Variants in SSUH2 observed in about 807,000 individuals in gnomAD.
SSUH2 encodes protein SSUH2 homolog.
Under a neutral mutation model 55.3 loss-of-function variants are expected in SSUH2, and 47 were observed. The observed-to-expected ratio is 0.85, with a 90% confidence interval of 0.67 to 1.08. The LOEUF is 1.08. Ranked by LOEUF, SSUH2 falls within the 50% of genes least tolerant of loss-of-function variation. The pLI is 0.00. For synonymous variants in SSUH2, 212 were observed against 191.5 expected (o/e 1.11, Z -0.89); for missense variants, 535 against 490.7 (o/e 1.09, Z -0.85).
rs1559563403 is a variant in SSUH2, at chr3:8,678,493, GT to G, written c.-900-1141del. Among the ~76,000 whole-genome samples the G allele has an allele frequency of 7.3e-5, 10 of 137,458 alleles. 1 individual carries two copies. The highest frequency in any genetic ancestry group is 1.6e-4 in the Non-Finnish European group (10 of 61,340). The allele number at this position is 137,458 out of a possible 152,430, so 90.2% of individuals were successfully genotyped here. ...CTCTTAGGACCCCCATTGCAAGGGG[GT>G]GAGGCACCCCCCGCGAGGCGGGGAC... On this transcript the variant is annotated intron_variant, in intron 2 of 18. Coordinates refer to the SSUH2 transcript ENST00000317371.
chr3:8,629,961 C>T (rs940119048), intron 6 of SSUH2, among the ~76,000 whole-genome samples: 7 of 152,124 alleles, frequency 4.6e-5, no homozygotes, highest in African/African-American at 7.2e-5. Flanking sequence ...CAAGGGGAGA[C>T]GTGTTCTGGG....
intron 5 of SSUH2, among the ~76,000 whole-genome samples, chr3:8,669,424 C>T (rs1191142589): frequency 6.6e-6 from 1 of 152,252 alleles, no homozygotes; most frequent in African/African-American, 2.4e-5. Context: ...AGTAGACAAA[C>T]TTTATCAGAG....
chr3:8,627,430 C>T (rs1242088186), intron 8 of SSUH2: 3 of 359,950 alleles, frequency 8.3e-6, no homozygotes, highest in Non-Finnish European at 1.5e-5. Context: ...CTGGTAACCC[C>T]GTCCCTGTGT....
intron 7 of SSUH2, among the ~76,000 whole-genome samples, chr3:8,658,694 A>G (rs1703186488): frequency 6.6e-6 from 1 of 152,198 alleles, no homozygotes; most frequent in African/African-American, 2.4e-5. Flanking sequence ...TCCAGATAGC[A>G]GTATTAATAT....
At chr3:8,649,987 C>A (rs1413059656) in intron 7 of SSUH2, among the ~76,000 whole-genome samples, 2 of 152,180 alleles carry the variant, frequency 1.3e-5, no homozygotes, top group Non-Finnish European at 2.9e-5. Flanking sequence ...TTTCCTCCAG[C>A]CCCACCAGCC....
chr3:8,637,307 C>T (rs983674510), intron 1 of SSUH2, among the ~76,000 whole-genome samples: 3 of 152,186 alleles, frequency 2.0e-5, no homozygotes, highest in Non-Finnish European at 4.4e-5. Context: ...TCATTCACTA[C>T]GTATCTGTTT....
intron 5 of SSUH2, among the ~76,000 whole-genome samples, chr3:8,664,388 C>T (rs1448257968): frequency 1.3e-5 from 2 of 152,238 alleles, no homozygotes; most frequent in African/African-American, 2.4e-5. Context: ...GTGTATAGCA[C>T]AGCCCCACAG....
At chr3:8,651,272 C>T (rs1008859912) in intron 7 of SSUH2, among the ~76,000 whole-genome samples, 16 of 152,186 alleles carry the variant, frequency 1.1e-4, no homozygotes, top group African/African-American at 3.6e-4. Context: ...GGGATCCAGC[C>T]CATTGCATCT....
chr3:8,681,337 G>A (rs542781047), intron 1 of SSUH2, among the ~76,000 whole-genome samples: 2 of 145,186 alleles, frequency 1.4e-5, no homozygotes, highest in South Asian at 4.4e-4. Flanking sequence ...GGCACCCCCC[G>A]CGGCTCGGGG....
intron 3 of SSUH2, chr3:8,677,123 G>T (rs111831731): frequency 1.3e-5 from 2 of 150,242 alleles, no homozygotes; most frequent in African/African-American, 4.9e-5. Context: ...GATACCCCCC[G>T]CGAGGCAGGG....
chr3:8,674,912 C>T (rs9682130), intron 3 of SSUH2, among the ~76,000 whole-genome samples: 33,500 of 151,910 alleles, frequency 0.22, 3,714 homozygotes, highest in East Asian at 0.29. Flanking sequence ...GTTAAGACTG[C>T]GGCCCAGCCG....
chr3:8,659,409 C>T, intron 6 of SSUH2: 1 of 159,604 alleles, frequency 6.3e-6, no homozygotes, highest in East Asian at 1.9e-4. Flanking sequence ...CCTTCAATGC[C>T]CCACTCCAGC....
intron 1 of SSUH2, among the ~76,000 whole-genome samples, chr3:8,639,155 C>T (rs569256912): frequency 3.4e-4 from 52 of 152,282 alleles, no homozygotes; most frequent in African/African-American, 1.1e-3. Context: ...GGAATGTGGA[C>T]GTCACGGGGC....
chr3:8,647,415 G>A (rs113632246), upstream of SSUH2, among the ~76,000 whole-genome samples: 497 of 152,336 alleles, frequency 3.3e-3, 1 homozygote, highest in African/African-American at 0.012. Context: ...AAACAAAGTG[G>A]GGTGTGAGCA....
In SSUH2 at chr3:8,634,553, GC is replaced by G. The variant is rs1038522889; in HGVS notation, c.209+746del. 3 of 1,289,698 alleles carry G rather than the reference GC, an allele frequency of 2.3e-6. No homozygotes were observed. The African/African-American group carries it at 4.6e-5, about 20-fold the overall frequency. 79.9% of individuals were successfully genotyped at this position (1,289,698 alleles called of 1,614,324 possible). On this transcript the variant is annotated intron_variant, in intron 3 of 11. Coordinates refer to ENST00000544814, the MANE Select transcript of SSUH2 (RefSeq NM_001256748.3). ...TCCTCCAGCCCTGGCACACAGAGGG[GC>G]CCGTCTGTCTTCAGATCCATGGATG...
chr3:8,649,650 A>G (rs1263053139), upstream of SSUH2, among the ~76,000 whole-genome samples: 1 of 151,976 alleles, frequency 6.6e-6, no homozygotes, highest in Non-Finnish European at 1.5e-5. Flanking sequence ...ATTCAATGTC[A>G]GCAAGTCATA....
chr3:8,678,675 GATTGAGAGCCAGCC>G lies in SSUH2; in HGVS notation c.-901+1016_-901+1029del, dbSNP rs1705648242. Among the ~76,000 whole-genome samples the G allele has an allele frequency of 2.6e-4, 15 of 56,814 alleles. 1 individual carries two copies. Among genetic ancestry groups the G allele is most frequent in the African/African-American group, 6.5e-4 (11 of 16,924 alleles). The allele number at this position is 56,814 out of a possible 152,430, so 37.3% of individuals were successfully genotyped here. On this transcript the variant is annotated intron_variant, in intron 2 of 18. Coordinates refer to the SSUH2 transcript ENST00000317371. ...GGGGAGGCACCCCCCGCGAGGCGGG[GATTGAGAGCCAGCC>G]ACTCTTCCCCTCCTGGGTCTTAGGA...
chr3:8,651,441 T>A (rs2125321182), intron 7 of SSUH2, among the ~76,000 whole-genome samples: 1 of 152,284 alleles, frequency 6.6e-6, no homozygotes, highest in Admixed American at 6.5e-5. Flanking sequence ...CAGGCTCACA[T>A]GGCAGTGAGT....
chr3:8,667,864 T>C (rs891472232), intron 5 of SSUH2, among the ~76,000 whole-genome samples: 1 of 152,114 alleles, frequency 6.6e-6, no homozygotes, highest in Non-Finnish European at 1.5e-5. Flanking sequence ...GAAACGGGAA[T>C]GAAGACCAAG....
Sources: gnomAD v4.1 joint callset for allele counts (sites outside exome capture counted in the v4.1 genomes callset) on GRCh38, gnomAD v4.1.1 for gene constraint, MANE v1.5 for transcripts, NCBI Gene and HGNC (gene_info 2026-07-23, HGNC 2026-07-21) for gene names.